ZNF493: variants seen among roughly 807,000 people sequenced by gnomAD.
ZNF493 encodes zinc finger protein 493.
ZNF493 carries 11 observed loss-of-function variants against 12.2 expected under a neutral mutation model. The observed-to-expected ratio is 0.90, with a 90% CI of 0.57 to 1.50. The LOEUF (loss-of-function observed/expected upper bound fraction) is 1.50. ZNF493 is among the 40% of genes most tolerant of loss of function. The pLI is 0.00. For missense variants in ZNF493, 950 were observed against 906.6 expected, an observed-to-expected ratio of 1.05 and a Z score of -0.61; for synonymous variants, 286 against 302.6, an observed-to-expected ratio of 0.95 and a Z score of 0.57.
rs548737893 is a variant in ZNF493 at position 21,400,415 on chromosome 19, A to G, written c.30+3148A>G. ...CAGAGAGAGACTCCATCTCAAAAAA[A>G]AAAATGTAAGCACCTTAAAATTTTT... On this transcript the variant is annotated intron_variant, in intron 1 of 3. Coordinates refer to ENST00000392288, the MANE Select transcript of ZNF493 (RefSeq NM_001076678.3). Among the ~76,000 whole-genome samples the G allele has an allele frequency of 1.5e-3, 221 of 152,286 alleles. 1 individual carries two copies. The highest frequency in any genetic ancestry group is 4.9e-3 in the African/African-American group (202 of 41,558).
chr19:21,424,753 A>C lies in ZNF493; in HGVS notation c.2094A>C (p.Ser698=), dbSNP rs767545266. The C allele has an allele frequency of 6.2e-6, 10 of 1,613,438 alleles. No homozygotes were observed. Among genetic ancestry groups the C allele is most frequent in the African/African-American group, 2.7e-5 (2 of 74,960 alleles). The change falls in exon 4 of 4, where the codon TCA becomes TCC. Residue 698 remains serine (S), a synonymous_variant. Transcript: ENST00000392288. ...GTGGCAAAACTTTCTACCGATTCTC[A>C]AACCTTAATACGCATAAGATAATTC... ...EKCGKTFYRF[S]NLNTHKIIHT...
intron 1 of ZNF493, among the ~76,000 whole-genome samples, chr19:21,404,122 C>T (rs538667143): frequency 1.7e-4 from 26 of 152,040 alleles, no homozygotes; most frequent in Non-Finnish European, 3.5e-4. Flanking sequence ...GTTTATTACC[C>T]TGAAAGTTCT....
chr19:21,420,475 C>T (rs1197923692), intron 3 of ZNF493, among the ~76,000 whole-genome samples: 2 of 148,148 alleles, frequency 1.3e-5, no homozygotes, highest in Admixed American at 6.8e-5. Flanking sequence ...CTGCCTTCAG[C>T]GCCTTTTATA....
chr19:21,403,642 A>C (rs945359713), intron 1 of ZNF493, among the ~76,000 whole-genome samples: 3 of 152,180 alleles, frequency 2.0e-5, no homozygotes, highest in African/African-American at 7.2e-5. Context: ...AAAGAAGGCA[A>C]AAGAGGAAAA....
At position 21,399,805 on chromosome 19, in the gene ZNF493, C is replaced by T. The variant is rs549225937; in HGVS notation, c.30+2538C>T. ...AAAAGGAGAGAAAAAATCTCCATTTCATTTTTGCTGTAGAAAATGAATACA... is the reference window on the plus strand; with the variant it reads ...AAAAGGAGAGAAAAAATCTCCATTTTATTTTTGCTGTAGAAAATGAATACA... On this transcript the variant is annotated intron_variant, in intron 1 of 3. Coordinates refer to ENST00000392288, the MANE Select transcript of ZNF493 (RefSeq NM_001076678.3). Among the ~76,000 whole-genome samples the T allele has an allele frequency of 7.9e-5, 12 of 152,220 alleles. No individual in the cohort carries two copies. The South Asian group carries it at 2.5e-3, about 32-fold the overall frequency.
In ZNF493 at chr19:21,425,160, A is replaced by G. The variant is rs1255867215; in HGVS notation, c.*176A>G. 2 of 792,746 alleles carry G rather than the reference A, an allele frequency of 2.5e-6. No homozygotes were observed. The highest frequency in any genetic ancestry group is 4.2e-6 in the Non-Finnish European group (2 of 477,750). The allele number at this position is 792,746 out of a possible 1,614,324, so 49.1% of individuals were successfully genotyped here. On this transcript the variant is annotated 3_prime_UTR_variant, in exon 4 of 4. Transcript: ENST00000392288. ...ATTCTCATACCTTACTAAATATAAG[A>G]TAATTCATATTGGAGAGAAATTCTA...
chr19:21,422,998 A>G lies in ZNF493; in HGVS notation c.339A>G (p.Val113=). The part of the protein sequence containing the change: ...SFQKVILREY[V]KCGHKDLQLR... ...AAAAAGTGATACTGAGAGAATATGT[A>G]AAATGTGGACATAAGGATTTACAGT... The change falls in exon 4 of 4, where the codon GTA becomes GTG. Residue 113 remains valine, a synonymous_variant. Transcript: ENST00000392288. 1 of 1,611,066 alleles carries G rather than the reference A, an allele frequency of 6.2e-7. No homozygotes were observed. Among genetic ancestry groups the G allele is most frequent in the South Asian group, 1.1e-5 (1 of 89,866 alleles).
intron 3 of ZNF493, among the ~76,000 whole-genome samples, chr19:21,420,591 T>TTTTATATATATA (rs1491162530): frequency 2.8e-4 from 3 of 10,680 alleles, no homozygotes; most frequent in African/African-American, 9.3e-4. Flanking sequence ...ACTCACTTGA[T>TTTTATATATATA]TATATATATA....
At position 21,424,871 on chromosome 19, in the gene ZNF493, G is replaced by C. The variant is rs753301315; in HGVS notation, c.2212G>C (p.Asp738His). Residue 738 changes from aspartate (D) to histidine (H), a missense_variant, in exon 4 of 4, where the codon GAC (aspartate) becomes CAC (histidine). Coordinates refer to ENST00000392288, the MANE Select transcript of ZNF493 (RefSeq NM_001076678.3). ...TAAACATAAGCTAATTCATACTGGA[G>C]ACAAACCCTACAAATGTGAAGCATG... ...LIKHKLIHTG[D>H]KPYKCEACGK... 1 of 1,612,832 alleles carries C rather than the reference G, an allele frequency of 6.2e-7. No homozygotes were observed. Among genetic ancestry groups the C allele is most frequent in the Non-Finnish European group, 8.5e-7 (1 of 1,179,488 alleles).
rs139629271 is a variant in ZNF493, at chr19:21,405,835, A to G, written c.232A>G (p.Ser78Gly). 8.0e-4 allele frequency: 1,257 copies of G among 1,580,220 alleles called. 2 individuals are homozygous for G. Among genetic ancestry groups the G allele is most frequent in the Non-Finnish European group, 8.5e-4 (982 of 1,160,108 alleles). The change falls in exon 3 of 4, where the codon AGT becomes GGT. Residue 78 changes from serine to glycine, a missense_variant. Physicochemically the swap from Ser to Gly is moderately conservative, Grantham distance 56. Coordinates refer to ENST00000392288, the MANE Select transcript of ZNF493 (RefSeq NM_001076678.3). Reference protein sequence around the residue: ...GKDPWNMKGHSTVVKPPVICS... With the variant: ...GKDPWNMKGHGTVVKPPVICS... ...AGATCCCTGGAATATGAAGGGACAC[A>G]GTACGGTAGTCAAACCCCCAGGTAG...
rs367981969 is a variant in ZNF493, at chr19:21,405,861, G to T, written c.253+5G>T. The T allele has an allele frequency of 1.4e-5, 19 of 1,404,512 alleles. No homozygotes were observed. The highest frequency in any genetic ancestry group is 2.1e-5 in the Admixed American group (1 of 47,794). 87.0% of individuals were successfully genotyped at this position (1,404,512 alleles called of 1,614,324 possible). A position where few individuals can be genotyped will look rare whatever the true frequency, so the allele number is the denominator to read the frequency against. On this transcript the variant is annotated splice_donor_5th_base_variant and intron_variant, in intron 3 of 3. Transcript: ENST00000392288. ...GTACGGTAGTCAAACCCCCAGGTAG[G>T]TGAGAGTGAATGAAACAGTTGACAT...
intron 3 of ZNF493, among the ~76,000 whole-genome samples, chr19:21,407,075 C>T (rs1298715718): frequency 6.6e-6 from 1 of 151,810 alleles, no homozygotes; most frequent in Non-Finnish European, 1.5e-5. Context: ...CTTGGCTGCA[C>T]GGTGGCTGGG....
rs1599381190 is a variant in ZNF493 at position 21,423,085 on chromosome 19, A to G, written c.426A>G (p.Leu142=). 4.3e-6 allele frequency: 7 copies of G among 1,613,580 alleles called. No homozygotes were observed. Among genetic ancestry groups the G allele is most frequent in the Non-Finnish European group, 5.9e-6 (7 of 1,179,792 alleles). The part of the protein sequence containing the change: ...CNVHKEGYNE[L]NQYLTTTQSK... ...TGCACAAAGAAGGTTATAATGAACTAAACCAGTATTTGACAACTACCCAGA... is the reference window on the plus strand; with the variant it reads ...TGCACAAAGAAGGTTATAATGAACTGAACCAGTATTTGACAACTACCCAGA... Residue 142 remains leucine, a synonymous_variant, in exon 4 of 4, where the codon CTA becomes CTG. Coordinates refer to ENST00000392288, the MANE Select transcript of ZNF493 (RefSeq NM_001076678.3).
rs1356600275 is a variant in ZNF493, at chr19:21,427,085, ATTC to A, written c.*2108_*2110del. On this transcript the variant is annotated 3_prime_UTR_variant, in exon 4 of 4. Coordinates refer to ENST00000392288, the MANE Select transcript of ZNF493 (RefSeq NM_001076678.3). ...TGTTGCTGCATCAGAGGTATGAGAG[ATTC>A]TTCTTCATTAGATGGGCATTATTTA... The A allele has an allele frequency of 9.0e-5, 15 of 167,036 alleles. No individual in the cohort carries two copies. The highest frequency in any genetic ancestry group is 3.9e-4 in the Admixed American group (6 of 15,284). The allele number at this position is 167,036 out of a possible 1,614,324, so 10.3% of individuals were successfully genotyped here. A position where few individuals can be genotyped will look rare whatever the true frequency, so the allele number is the denominator to read the frequency against.
chr19:21,420,584 C>T (rs1271690013), intron 3 of ZNF493, among the ~76,000 whole-genome samples: 2 of 73,438 alleles, frequency 2.7e-5, no homozygotes, highest in African/African-American at 1.1e-4. Flanking sequence ...GTATTATACT[C>T]ACTTGATTAT....
At position 21,424,940 on chromosome 19, in the gene ZNF493, A is replaced by G. The variant is rs1436805115; in HGVS notation, c.2281A>G (p.Ile761Val). Residue 761 changes from isoleucine to valine, a missense_variant, in exon 4 of 4, where the codon ATA becomes GTA. Physicochemically the swap from Ile to Val is conservative, Grantham distance 29 (BLOSUM62 3). Coordinates refer to ENST00000392288, the MANE Select transcript of ZNF493 (RefSeq NM_001076678.3). ...RRSSHLSRHK[I>V]IHIGIHTEET... ...GTCTTCACATCTTAGTAGACATAAG[A>G]TAATTCATATTGGAATTCATACTGA... is the stretch of plus-strand genomic sequence containing the variant. 6.2e-7 allele frequency: 1 copy of G among 1,604,070 alleles called. No individual in the cohort carries two copies.
chr19:21,421,940 G>A (rs1321778693), intron 3 of ZNF493, among the ~76,000 whole-genome samples: 2 of 152,222 alleles, frequency 1.3e-5, no homozygotes, highest in South Asian at 4.2e-4. Flanking sequence ...CCGCCTCCCA[G>A]ATTCAAGCAA....
chr19:21,408,024 G>T, intron 3 of ZNF493: 1 of 985,038 alleles, frequency 1.0e-6, no homozygotes, highest in Non-Finnish European at 1.2e-6. Context: ...GTGGAGTGGG[G>T]TTGTAACTTG....
intron 1 of ZNF493, among the ~76,000 whole-genome samples, chr19:21,402,991 C>A (rs930724375): frequency 6.6e-6 from 1 of 152,220 alleles, no homozygotes; most frequent in African/African-American, 2.4e-5. Context: ...TATTTAGAAT[C>A]AGCATGAATC....
Sources: allele counts gnomAD v4.1 joint callset (sites outside exome capture counted in the v4.1 genomes callset), GRCh38; gene constraint gnomAD v4.1.1; transcripts MANE v1.5; gene names NCBI Gene and HGNC (gene_info 2026-07-23, HGNC 2026-07-21).